Variants in TEAD1 observed in about 807,000 individuals in gnomAD.
The protein encoded by TEAD1 is TEA domain transcription factor 1.
TEAD1 carries 9 observed loss-of-function variants against 54.9 expected under a neutral mutation model. That is an observed-to-expected ratio of 0.16 (90% confidence interval 0.10 to 0.29). TEAD1 has a LOEUF of 0.29. Among genes scored for constraint, TEAD1 ranks in the 10% least tolerant of loss-of-function variants. TEAD1 has a pLI of 1.00. For synonymous variants in TEAD1, 200 were observed against 187.8 expected (o/e 1.07, Z -0.53); for missense variants, 387 against 535.9 (o/e 0.72, Z 2.74).
chr11:12,794,924 G>A (rs556456898), intron 3 of TEAD1, among the ~76,000 whole-genome samples: 1 of 152,230 alleles, frequency 6.6e-6, no homozygotes, highest in Non-Finnish European at 1.5e-5. Context: ...CTGAACAGCA[G>A]GGTGAGCACC....
chr11:12,800,387 A>C lies in TEAD1; in HGVS notation c.202+35953A>C, dbSNP rs111459787. Among the ~76,000 whole-genome samples, 974 of 152,340 alleles carry C rather than the reference A, an allele frequency of 6.4e-3. 5 individuals are homozygous for C. Among genetic ancestry groups the C allele is most frequent in the Non-Finnish European group, 8.2e-3 (556 of 68,020 alleles). The stretch of plus-strand genomic sequence containing the variant: ...AGCTTTGATCAAACAGCTATGTGCC[A>C]GGTACTGTGGTAGGTGCTCTGGAGA... On this transcript the variant is annotated intron_variant, in intron 3 of 12. Coordinates refer to ENST00000527636, the MANE Select transcript of TEAD1 (RefSeq NM_021961.6).
At chr11:12,931,856 G>A (rs369615324) in intron 12 of TEAD1, among the ~76,000 whole-genome samples, 2 of 152,022 alleles carry the variant, frequency 1.3e-5, no homozygotes, top group Non-Finnish European at 2.9e-5. Flanking sequence ...AACATCTAAG[G>A]CCTAGGCCCC....
chr11:12,852,397 G>GT (rs1276702680), intron 3 of TEAD1, among the ~76,000 whole-genome samples: 1 of 151,894 alleles, frequency 6.6e-6, no homozygotes, highest in Non-Finnish European at 1.5e-5. Context: ...GTCTATTTAG[G>GT]TCACAGTTGG....
At chr11:12,735,420 G>A (rs1490722899) in intron 2 of TEAD1, among the ~76,000 whole-genome samples, 1 of 152,104 alleles carries the variant, frequency 6.6e-6, no homozygotes, top group Non-Finnish European at 1.5e-5. Flanking sequence ...TGTCATCCCT[G>A]GTCCCTGTCC....
intron 3 of TEAD1, among the ~76,000 whole-genome samples, chr11:12,855,969 G>T (rs1471658658): frequency 1.3e-5 from 2 of 151,590 alleles, no homozygotes; most frequent in East Asian, 1.9e-4. Context: ...AAAAGGAGTG[G>T]TGGGGGCATA....
intron 2 of TEAD1, among the ~76,000 whole-genome samples, chr11:12,762,525 A>G (rs1461921094): frequency 6.6e-6 from 1 of 152,204 alleles, no homozygotes; most frequent in Non-Finnish European, 1.5e-5. Context: ...GTGTAAATGT[A>G]CATATGTTGG....
chr11:12,834,003 T>C (rs189495093), intron 3 of TEAD1, among the ~76,000 whole-genome samples: 99 of 152,346 alleles, frequency 6.5e-4, no homozygotes, highest in African/African-American at 2.2e-3. Context: ...TAAATGTTTA[T>C]GGAATTGAGT....
At chr11:12,909,146 A>G (rs1373974560) in intron 10 of TEAD1, among the ~76,000 whole-genome samples, 1 of 152,128 alleles carries the variant, frequency 6.6e-6, no homozygotes, top group East Asian at 1.9e-4. Context: ...TTCCTACTCA[A>G]AAGTCTTCGA....
intron 2 of TEAD1, among the ~76,000 whole-genome samples, chr11:12,740,982 G>A (rs1339658191): frequency 6.6e-6 from 1 of 151,432 alleles, no homozygotes; most frequent in African/African-American, 2.4e-5. Context: ...AAAAATATTG[G>A]AATCCTTTCT....
intron 2 of TEAD1, among the ~76,000 whole-genome samples, chr11:12,742,459 G>A (rs1363572050): frequency 6.6e-6 from 1 of 152,096 alleles, no homozygotes; most frequent in Non-Finnish European, 1.5e-5. Flanking sequence ...TAGGGAAAGG[G>A]GAGCTTGATC....
At chr11:12,904,159 T>C (rs149969926) in intron 10 of TEAD1, among the ~76,000 whole-genome samples, 51 of 152,322 alleles carry the variant, frequency 3.3e-4, no homozygotes, top group Non-Finnish European at 6.6e-4. Flanking sequence ...ACTGCTTTAG[T>C]ATGAATCAGA....
intron 2 of TEAD1, among the ~76,000 whole-genome samples, chr11:12,757,102 T>C (rs1171737021): frequency 1.3e-5 from 2 of 152,224 alleles, no homozygotes; most frequent in African/African-American, 4.8e-5. Context: ...CTAGAAACCC[T>C]GAAGTGGCCC....
intron 10 of TEAD1, among the ~76,000 whole-genome samples, chr11:12,917,044 G>A (rs1264557185): frequency 6.6e-6 from 1 of 152,170 alleles, no homozygotes; most frequent in Non-Finnish European, 1.5e-5. Flanking sequence ...CTGTAGCCAT[G>A]GAATCTGTGG....
At chr11:12,762,473 G>A (rs1291850054) in intron 2 of TEAD1, among the ~76,000 whole-genome samples, 3 of 152,134 alleles carry the variant, frequency 2.0e-5, no homozygotes, top group Non-Finnish European at 4.4e-5. Context: ...GCTTTCTTGT[G>A]GCGTAATTTA....
At chr11:12,897,253 G>A (rs1948331186) in intron 9 of TEAD1, among the ~76,000 whole-genome samples, 2 of 152,112 alleles carry the variant, frequency 1.3e-5, no homozygotes, top group Non-Finnish European at 2.9e-5. Flanking sequence ...GAGAAGAAAC[G>A]AGATTTATTT....
intron 5 of TEAD1, among the ~76,000 whole-genome samples, chr11:12,870,682 T>TA (rs1246202901): frequency 6.6e-6 from 1 of 152,138 alleles, no homozygotes; most frequent in Non-Finnish European, 1.5e-5. Context: ...GCTCAGGAGT[T>TA]AGAGACCAGC....
intron 3 of TEAD1, among the ~76,000 whole-genome samples, chr11:12,816,507 G>C (rs553462261): frequency 6.6e-6 from 1 of 152,286 alleles, no homozygotes; most frequent in South Asian, 2.1e-4. Context: ...ACACGCCCCA[G>C]GTAACTGAAA....
chr11:12,702,469 A>G (rs997794993), intron 2 of TEAD1, among the ~76,000 whole-genome samples: 6 of 152,176 alleles, frequency 3.9e-5, no homozygotes, highest in African/African-American at 1.4e-4. Flanking sequence ...TTTGAGCCTC[A>G]GGACAATGCC....
At chr11:12,796,291 T>C (rs559702212) in intron 3 of TEAD1, among the ~76,000 whole-genome samples, 10 of 152,284 alleles carry the variant, frequency 6.6e-5, no homozygotes, top group Non-Finnish European at 1.3e-4. Context: ...TCAGTGCTTG[T>C]TGAATTAAAT....
Sources: allele counts gnomAD v4.1 joint callset (sites outside exome capture counted in the v4.1 genomes callset), GRCh38; gene constraint gnomAD v4.1.1; transcripts MANE v1.5; gene names NCBI Gene and HGNC (gene_info 2026-07-23, HGNC 2026-07-21).